Variants in SUZ12 observed in about 807,000 individuals in gnomAD.
SUZ12 encodes polycomb protein SUZ12.
A neutral mutation model predicts 87.3 loss-of-function variants in SUZ12; 17 were observed. The observed-to-expected ratio is 0.19, with a 90% CI of 0.13 to 0.29. The LOEUF (loss-of-function observed/expected upper bound fraction) is 0.29. Ranked by LOEUF, SUZ12 falls within the 10% of genes least tolerant of loss-of-function variation. SUZ12 has a pLI of 1.00. For synonymous variants in SUZ12, 253 were observed against 312.4 expected, an observed-to-expected ratio of 0.81 and a Z score of 2.01; for missense variants, 526 against 912.2, an observed-to-expected ratio of 0.58 and a Z score of 5.45.
Position 31,988,327 on chromosome 17 carries a change from C to T in SUZ12, c.1031C>T (p.Pro344Leu). The part of the protein sequence containing the change: ...WETILDGKRL[P>L]PFETFSQGPT... ...ATGTTTTTTATTTTTTAGAGGCTGCCTCCATTCGAAACATTTTCTCAGGGA... is the reference window on the plus strand; with the variant it reads ...ATGTTTTTTATTTTTTAGAGGCTGCTTCCATTCGAAACATTTTCTCAGGGA... The change falls in exon 10 of 16, where the codon CCT becomes CTT. Residue 344 changes from proline to leucine, a missense_variant. Pro to Leu is a moderately conservative substitution (Grantham distance 98). This residue lies in a region of SUZ12 where 10 missense variants were observed against 50.9 expected (regional missense o/e 0.20). Coordinates refer to ENST00000322652, the MANE Select transcript of SUZ12 (RefSeq NM_015355.4). 6 of 1,555,332 alleles carry T rather than the reference C, an allele frequency of 3.9e-6. No individual in the cohort carries two copies. Among genetic ancestry groups the T allele is most frequent in the Non-Finnish European group, 5.2e-6 (6 of 1,156,050 alleles).
chr17:31,968,546 T>C (rs901536414), intron 5 of SUZ12, among the ~76,000 whole-genome samples: 1 of 152,214 alleles, frequency 6.6e-6, no homozygotes, highest in Non-Finnish European at 1.5e-5. Flanking sequence ...TTAGGGTTTT[T>C]ATGTAAGAAA....
intron 8 of SUZ12, among the ~76,000 whole-genome samples, chr17:31,979,667 A>G (rs1219484136): frequency 6.6e-6 from 1 of 152,206 alleles, no homozygotes; most frequent in Non-Finnish European, 1.5e-5. Context: ...GTACTACATC[A>G]CAGACAAAAG....
At chr17:31,986,375 G>A (rs774672560) in intron 9 of SUZ12, among the ~76,000 whole-genome samples, 5 of 152,084 alleles carry the variant, frequency 3.3e-5, no homozygotes, top group Non-Finnish European at 7.4e-5. Context: ...CTAAACCAGT[G>A]CTGGTCTAAT....
intron 4 of SUZ12, 142 bp from the exon 5 acceptor site, chr17:31,966,005 G>A (rs1462868794): frequency 2.9e-6 from 2 of 697,954 alleles, no homozygotes; most frequent in African/African-American, 1.8e-5. Flanking sequence ...AAAGCATAGA[G>A]TCATGGGCCT....
At chr17:31,976,839 A>G (rs1365110068) in intron 8 of SUZ12, among the ~76,000 whole-genome samples, 2 of 152,192 alleles carry the variant, frequency 1.3e-5, no homozygotes, top group African/African-American at 2.4e-5. Flanking sequence ...TATTTGGCGA[A>G]TATTTTCTGA....
chr17:31,955,152 A>G (rs1270947298), intron 4 of SUZ12, among the ~76,000 whole-genome samples: 1 of 152,084 alleles, frequency 6.6e-6, no homozygotes, highest in South Asian at 2.1e-4. Flanking sequence ...CTGAGGTGGC[A>G]GTACAGTGGT....
chr17:31,997,020 A>T, intron 15 of SUZ12, 143 bp downstream of exon 15: 1 of 590,980 alleles, frequency 1.7e-6, no homozygotes, highest in Non-Finnish European at 2.6e-6. Context: ...TTCTATTCCA[A>T]TGTTTTTTGG....
At chr17:31,978,989 C>G (rs1256156244) in intron 8 of SUZ12, among the ~76,000 whole-genome samples, 3 of 151,296 alleles carry the variant, frequency 2.0e-5, no homozygotes, top group Non-Finnish European at 2.9e-5. Flanking sequence ...GCCTGTAGTC[C>G]CAGCTACTCG....
At chr17:31,977,430 C>A (rs1413262396) in intron 8 of SUZ12, among the ~76,000 whole-genome samples, 2 of 152,068 alleles carry the variant, frequency 1.3e-5, no homozygotes, top group Non-Finnish European at 2.9e-5. Flanking sequence ...CAGGTGCGTG[C>A]CACCACGCCC....
intron 3 of SUZ12, among the ~76,000 whole-genome samples, chr17:31,944,688 A>G (rs1906514955): frequency 6.6e-6 from 1 of 152,114 alleles, no homozygotes; most frequent in African/African-American, 2.4e-5. Context: ...TAGGCTAGGC[A>G]TGGTGTTTCA....
At chr17:31,960,663 C>T (rs1050072687) in intron 4 of SUZ12, among the ~76,000 whole-genome samples, 5 of 152,066 alleles carry the variant, frequency 3.3e-5, no homozygotes, top group South Asian at 2.1e-4. Context: ...CTGCAACGTC[C>T]GCCTCCCAGG....
At chr17:31,973,451 TAGG>T (rs202093019) in intron 6 of SUZ12, among the ~76,000 whole-genome samples, 2,677 of 152,336 alleles carry the variant, frequency 0.018, 76 homozygotes, top group African/African-American at 0.06. Flanking sequence ...AACTTTCTCA[TAGG>T]AGTCTGGAAA....
intron 4 of SUZ12, among the ~76,000 whole-genome samples, chr17:31,955,880 C>G (rs1463191391): frequency 6.6e-6 from 1 of 151,820 alleles, no homozygotes; most frequent in Non-Finnish European, 1.5e-5. Flanking sequence ...TTACACCCAG[C>G]CTGTTGTTTT....
Position 31,937,081 on chromosome 17 carries a change from C to A in SUZ12, c.-166C>A. 1 of 567,200 alleles carries A rather than the reference C, an allele frequency of 1.8e-6. No homozygotes were observed. The allele number at this position is 567,200 out of a possible 1,614,324, so 35.1% of individuals were successfully genotyped here. On this transcript the variant is annotated 5_prime_UTR_variant, in exon 1 of 16. Coordinates refer to ENST00000322652, the MANE Select transcript of SUZ12 (RefSeq NM_015355.4). ...TGAGGAGACACTTTTTTTTTCCTCC[C>A]TCCTTCCCTCCTCTCCTCCTCCCTT...
intron 8 of SUZ12, among the ~76,000 whole-genome samples, chr17:31,978,077 T>C (rs1908865783): frequency 6.6e-6 from 1 of 152,166 alleles, no homozygotes; most frequent in South Asian, 2.1e-4. Flanking sequence ...TTTTTGGGAT[T>C]GGAGAAAGAA....
At chr17:31,974,404 G>A (rs998836579) in intron 6 of SUZ12, among the ~76,000 whole-genome samples, 2 of 152,278 alleles carry the variant, frequency 1.3e-5, no homozygotes, top group African/African-American at 4.8e-5. Context: ...ATGGGCACCT[G>A]TAGTGCCAGC....
At chr17:31,978,856 C>T (rs188417341) in intron 8 of SUZ12, among the ~76,000 whole-genome samples, 3 of 152,126 alleles carry the variant, frequency 2.0e-5, no homozygotes, top group African/African-American at 7.2e-5. Context: ...GCCTGTAATC[C>T]CAGCACTTTG....
At chr17:31,951,718 C>T (rs1370047377) in intron 4 of SUZ12, among the ~76,000 whole-genome samples, 1 of 150,912 alleles carries the variant, frequency 6.6e-6, no homozygotes, top group East Asian at 1.9e-4. Flanking sequence ...CCTCGTGATC[C>T]ACCCGCCTTG....
At chr17:31,955,740 T>C (rs915303239) in intron 4 of SUZ12, among the ~76,000 whole-genome samples, 22 of 151,750 alleles carry the variant, frequency 1.4e-4, no homozygotes, top group Non-Finnish European at 2.4e-4. Flanking sequence ...AGAGTGAGAC[T>C]ACATCTCAAA....
Sources: allele counts gnomAD v4.1 joint callset (sites outside exome capture counted in the v4.1 genomes callset), GRCh38; gene constraint gnomAD v4.1.1; regional missense constraint gnomAD v4.1.1; transcripts MANE v1.5; gene names NCBI Gene and HGNC (gene_info 2026-07-23, HGNC 2026-07-21).